SPMAP2: variants seen among roughly 807,000 people sequenced by gnomAD.
The protein encoded by SPMAP2 is sperm microtubule associated protein 2.
At chr19:373,827 C>T in the SPMAP2 span, 2 of 1,027,680 alleles carry the variant, frequency 1.9e-6, no homozygotes, top group South Asian at 2.8e-5. Flanking sequence ...TCTGAGGAGC[C>T]CTCCCTGATC....
chr19:375,670 C>T, the SPMAP2 span: 5 of 1,565,528 alleles, frequency 3.2e-6, no homozygotes, highest in African/African-American at 6.8e-5. Context: ...CACCTGATTT[C>T]AGGAATGTCC....
chr19:375,801 G>A, the SPMAP2 span: 1 of 1,610,202 alleles, frequency 6.2e-7, no homozygotes. Flanking sequence ...TGGGTCTTCT[G>A]GTCCCAGCTC....
the SPMAP2 span, among the ~76,000 whole-genome samples, chr19:363,206 A>C: frequency 2.0e-5 from 3 of 152,194 alleles, no homozygotes; most frequent in African/African-American, 7.2e-5. Context: ...TTATTTATTT[A>C]GTTTGATACA....
chr19:370,318 A>G, the SPMAP2 span, among the ~76,000 whole-genome samples: 2 of 152,144 alleles, frequency 1.3e-5, no homozygotes, highest in Non-Finnish European at 1.5e-5. Flanking sequence ...CGCCTCCACA[A>G]AAAGCTGTAT....
chr19:374,556 A>C, the SPMAP2 span: 1 of 1,278,604 alleles, frequency 7.8e-7, no homozygotes, highest in South Asian at 1.4e-5. Flanking sequence ...CTTTCCCTCG[A>C]GGGGTCTCTG....
chr19:362,549 C>T, the SPMAP2 span: 2 of 679,312 alleles, frequency 2.9e-6, no homozygotes, highest in South Asian at 5.3e-5. Flanking sequence ...AGGTGGATCA[C>T]CTGAGGTCAG....
At chr19:367,417 A>T in the SPMAP2 span, among the ~76,000 whole-genome samples, 3 of 152,130 alleles carry the variant, frequency 2.0e-5, no homozygotes, top group Non-Finnish European at 4.4e-5. Context: ...AACCAAAAAA[A>T]CCCCAAAAGG....
chr19:374,463 C>T, the SPMAP2 span: 3 of 1,612,834 alleles, frequency 1.9e-6, no homozygotes, highest in Non-Finnish European at 2.5e-6. Flanking sequence ...TGCTTTCCCG[C>T]CCCGATGCGT....
At chr19:374,640 G>A in the SPMAP2 span, 2 of 591,130 alleles carry the variant, frequency 3.4e-6, no homozygotes, top group East Asian at 5.8e-5. Context: ...GACCCGTCCA[G>A]GTCACCTGTC....
At chr19:367,766 CCA>C in the SPMAP2 span, among the ~76,000 whole-genome samples, 2 of 152,084 alleles carry the variant, frequency 1.3e-5, no homozygotes, top group Non-Finnish European at 2.9e-5. Flanking sequence ...AGCTTAGTTA[CCA>C]CACACACACC....
At chr19:366,319 C>T in the SPMAP2 span, among the ~76,000 whole-genome samples, 261 of 152,186 alleles carry the variant, frequency 1.7e-3, no homozygotes, top group African/African-American at 5.4e-3. Flanking sequence ...TATCGATGTT[C>T]ATACTCAACG....
At chr19:372,537 G>C in the SPMAP2 span, 1 of 1,316,310 alleles carries the variant, frequency 7.6e-7, no homozygotes, top group Non-Finnish European at 1.1e-6. Context: ...GCTAGGACCT[G>C]GACCCTTTCC....
the SPMAP2 span, among the ~76,000 whole-genome samples, chr19:368,743 A>G: frequency 6.6e-6 from 1 of 152,146 alleles, no homozygotes; most frequent in Non-Finnish European, 1.5e-5. The surrounding 1 kb of genome is among the most constrained non-coding windows in gnomAD (Gnocchi z 4.1). Context: ...TCTCTCAGCA[A>G]AGATATTGTG....
chr19:373,877 T>A, the SPMAP2 span: 1 of 1,492,442 alleles, frequency 6.7e-7, no homozygotes, highest in Non-Finnish European at 9.2e-7. Flanking sequence ...AGTGAAGGGG[T>A]CCCCTGGAAC....
the SPMAP2 span, among the ~76,000 whole-genome samples, chr19:375,034 C>G: frequency 6.6e-6 from 1 of 152,168 alleles, no homozygotes; most frequent in African/African-American, 2.4e-5. Flanking sequence ...GCAAACCTCC[C>G]TGGGCGGCAC....
the SPMAP2 span, chr19:373,457 G>C: frequency 2.6e-5 from 42 of 1,612,722 alleles, no homozygotes; most frequent in Admixed American, 3.7e-4. Flanking sequence ...CAGCAGGCAC[G>C]GGCTCCACCT....
chr19:362,192 C>T, the SPMAP2 span: 126 of 1,478,190 alleles, frequency 8.5e-5, no homozygotes, highest in Non-Finnish European at 1.1e-4. Context: ...TTACTGGGAG[C>T]GGAGGTCTTA....
chr19:364,137 T>G, the SPMAP2 span, among the ~76,000 whole-genome samples: 21 of 149,982 alleles, frequency 1.4e-4, 1 homozygote, highest in East Asian at 1.2e-3. Flanking sequence ...ATCGAGACCA[T>G]CCTGGCTCAC....
the SPMAP2 span, among the ~76,000 whole-genome samples, chr19:374,998 C>G: frequency 1.5e-4 from 23 of 152,222 alleles, no homozygotes; most frequent in African/African-American, 5.3e-4. Context: ...CCCATGAGGG[C>G]AGGGCAGCCA....
Sources: allele counts gnomAD v4.1 joint callset (sites outside exome capture counted in the v4.1 genomes callset), GRCh38; gene constraint gnomAD v4.1.1; non-coding constraint Gnocchi (gnomAD v3.1); transcripts MANE v1.5; gene names NCBI Gene and HGNC (gene_info 2026-07-23, HGNC 2026-07-21).